PTK7: variants seen among roughly 807,000 people sequenced by gnomAD.
PTK7 encodes inactive tyrosine-protein kinase 7.
Under a neutral mutation model 116.6 loss-of-function variants are expected in PTK7, and 39 were observed. The ratio of observed to expected loss-of-function variants is 0.33; its 90% CI spans 0.26 to 0.44. The LOEUF (loss-of-function observed/expected upper bound fraction) is 0.44, where lower values mean the gene tolerates loss of function less well. Among genes scored for constraint, PTK7 ranks in the 20% least tolerant of loss-of-function variants. The pLI is 1.00. For synonymous variants in PTK7, 546 were observed against 563.6 expected (o/e 0.97, Z 0.44); for missense variants, 1,169 against 1,425.6 (o/e 0.82, Z 2.90).
chr6:43,126,207 C>T (rs1408482419), intron 1 of PTK7, among the ~76,000 whole-genome samples: 1 of 152,112 alleles, frequency 6.6e-6, no homozygotes, highest in African/African-American at 2.4e-5. Flanking sequence ...GTAATCCCAG[C>T]TACTCGGGAG....
intron 1 of PTK7, among the ~76,000 whole-genome samples, chr6:43,083,332 G>A (rs1452693833): frequency 2.6e-5 from 4 of 152,308 alleles, no homozygotes; most frequent in South Asian, 4.1e-4. Context: ...TGGAGCTGCC[G>A]CCTGCCCTTC....
chr6:43,128,074 G>A (rs953431575), intron 1 of PTK7, among the ~76,000 whole-genome samples: 3 of 152,178 alleles, frequency 2.0e-5, no homozygotes, highest in East Asian at 1.9e-4. Context: ...GAGCATTTGC[G>A]GATGAGATTC....
chr6:43,152,389 G>A (rs778893455), intron 17 of PTK7, among the ~76,000 whole-genome samples: 3 of 152,230 alleles, frequency 2.0e-5, no homozygotes, highest in Non-Finnish European at 4.4e-5. Flanking sequence ...AATTAGCCGG[G>A]CGTGGTGGCG....
At chr6:43,108,931 CTGTT>C (rs878914511) in intron 1 of PTK7, among the ~76,000 whole-genome samples, 75 of 152,182 alleles carry the variant, frequency 4.9e-4, no homozygotes, top group Non-Finnish European at 1.5e-5. Context: ...CCCTCATTAA[CTGTT>C]TGGTTACCCA....
intron 3 of PTK7, 141 bp from the exon 4 acceptor site, chr6:43,130,089 C>G: frequency 1.1e-6 from 1 of 926,426 alleles, no homozygotes; most frequent in Non-Finnish European, 1.6e-6. Flanking sequence ...ACTGTGTGCC[C>G]TTTTGCAAGT....
chr6:43,112,266 ATTT>A (rs1768234649), intron 1 of PTK7, among the ~76,000 whole-genome samples: 1 of 150,736 alleles, frequency 6.6e-6, no homozygotes, highest in African/African-American at 2.4e-5. Flanking sequence ...TTATTTATTT[ATTT>A]ATTTATTTAT....
chr6:43,094,488 C>T lies in PTK7; in HGVS notation c.79+17921C>T, dbSNP rs143525696. On this transcript the variant is annotated intron_variant, in intron 1 of 19. Transcript: ENST00000230419. ...GCAAATTTTTTTTTTTTTTTTGAGA[C>T]GGAGTCCGTCTCGTCGCCCAGGCTG... Among the ~76,000 whole-genome samples the T allele has an allele frequency of 4.7e-5, 7 of 147,558 alleles. No individual in the cohort carries two copies. In the East Asian group the frequency reaches 1.0e-3, roughly 21 times the overall value.
At chr6:43,131,724 TTGAG>T in intron 5 of PTK7, 1 of 435,356 alleles carries the variant, frequency 2.3e-6, no homozygotes, top group South Asian at 2.2e-5. Flanking sequence ...AAGATGAGAT[TTGAG>T]TGGGGACACA....
At chr6:43,153,668 C>G (rs942948694) in intron 17 of PTK7, among the ~76,000 whole-genome samples, 4 of 152,106 alleles carry the variant, frequency 2.6e-5, no homozygotes, top group African/African-American at 9.7e-5. Flanking sequence ...ACATCAGCTT[C>G]TTAAACCGCT....
At chr6:43,134,488 A>G (rs72867545) in intron 7 of PTK7, among the ~76,000 whole-genome samples, 21,576 of 152,072 alleles carry the variant, frequency 0.14, 1,791 homozygotes, top group Non-Finnish European at 0.19. Context: ...GTCTACAGAA[A>G]TTTAAAAAGT....
intron 1 of PTK7, among the ~76,000 whole-genome samples, chr6:43,109,337 A>G (rs1768065609): frequency 6.6e-6 from 1 of 152,014 alleles, no homozygotes; most frequent in South Asian, 2.1e-4. Flanking sequence ...CATCATACCC[A>G]GCAGGCCTTG....
chr6:43,123,275 A>C (rs530411157), intron 1 of PTK7, among the ~76,000 whole-genome samples: 59 of 152,228 alleles, frequency 3.9e-4, no homozygotes, highest in Middle Eastern at 6.8e-3. Context: ...TTCTTTAATG[A>C]GAGAGAGAAG....
At chr6:43,151,633 G>A (rs1771098094) in intron 17 of PTK7, among the ~76,000 whole-genome samples, 1 of 148,578 alleles carries the variant, frequency 6.7e-6, no homozygotes, top group African/African-American at 2.5e-5. Context: ...CCGGGTTGAC[G>A]CCATTATCCT....
At chr6:43,095,137 A>G (rs1767171360) in intron 1 of PTK7, among the ~76,000 whole-genome samples, 1 of 146,724 alleles carries the variant, frequency 6.8e-6, no homozygotes, top group South Asian at 2.2e-4. Context: ...AGGCAGGCGG[A>G]TCACCTGAGG....
intron 1 of PTK7, among the ~76,000 whole-genome samples, chr6:43,088,410 C>T (rs1766774462): frequency 6.6e-6 from 1 of 151,976 alleles, no homozygotes; most frequent in South Asian, 2.1e-4. Flanking sequence ...ATGCTGCACA[C>T]GTGGCCAATT....
chr6:43,094,802 T>G (rs1197736154), intron 1 of PTK7, among the ~76,000 whole-genome samples: 2 of 151,850 alleles, frequency 1.3e-5, no homozygotes, highest in Non-Finnish European at 2.9e-5. Context: ...TAAAATAGAT[T>G]GCTGGCCAGG....
At chr6:43,157,365 T>TATATATATAAA (rs1554162298) in intron 17 of PTK7, among the ~76,000 whole-genome samples, 11 of 26,886 alleles carry the variant, frequency 4.1e-4, no homozygotes, top group African/African-American at 1.9e-3. Context: ...TATATATATA[T>TATATATATAAA]TTTTTTTTTT....
At chr6:43,081,578 T>A (rs187270790) in intron 1 of PTK7, among the ~76,000 whole-genome samples, 1 of 152,174 alleles carries the variant, frequency 6.6e-6, no homozygotes, top group East Asian at 1.9e-4. Flanking sequence ...CTAATTTTTG[T>A]ATTTTTAATA....
intron 1 of PTK7, among the ~76,000 whole-genome samples, chr6:43,088,118 C>T (rs928903499): frequency 2.0e-5 from 3 of 151,734 alleles, no homozygotes; most frequent in African/African-American, 4.8e-5. Context: ...GGGAACATAG[C>T]GAGACCCCAT....
Sources: gnomAD v4.1 joint callset for allele counts (sites outside exome capture counted in the v4.1 genomes callset) on GRCh38, gnomAD v4.1.1 for gene constraint, MANE v1.5 for transcripts, NCBI Gene and HGNC (gene_info 2026-07-23, HGNC 2026-07-21) for gene names.